The following EYS variants were observed in gnomAD, a reference collection of about 807,000 sequenced individuals.
EYS encodes the protein EGF-like photoreceptor maintenance factor, also known as protein eyes shut homolog.
Under a neutral mutation model 282.1 loss-of-function variants are expected in EYS, and 250 were observed. The observed-to-expected ratio is 0.89, with a 90% CI of 0.80 to 0.98. The LOEUF is 0.98. EYS is among the 50% of genes least tolerant of loss of function. The pLI, the probability that EYS is intolerant of heterozygous loss-of-function variation, is 0.00. For missense variants in EYS, 4,016 were observed against 3,709.0 expected (o/e 1.08, Z -2.15); for synonymous variants, 1,355 against 1,282.9 (o/e 1.06, Z -1.20).
At chr6:64,409,071 T>C (rs1773806942) in intron 28 of EYS, among the ~76,000 whole-genome samples, 1 of 152,142 alleles carries the variant, frequency 6.6e-6, no homozygotes, top group African/African-American at 2.4e-5. Context: ...CTTACTTTAA[T>C]TTGCTTGGGA....
intron 11 of EYS, among the ~76,000 whole-genome samples, chr6:65,311,852 G>T (rs897548876): frequency 2.1e-4 from 32 of 152,188 alleles, no homozygotes; most frequent in African/African-American, 7.5e-4. Context: ...AAAAATATGG[G>T]ATGCCAAGTT....
Position 64,945,865 on chromosome 6 carries a change from T to C in EYS, c.2309A>G (p.Gln770Arg), listed in dbSNP as rs398123574. ...LSDWEGNFCE[Q>R]ESNECKMNPC... is the part of the protein sequence containing the mutation. ...ATTCATTTTACACTCATTGGATTCT[T>C]GTTCACAAAAATTTCCTTCCCAATC... Residue 770 changes from glutamine (Q) to arginine (R), a missense_variant, in exon 15 of 43, where the codon CAA (glutamine) becomes CGA (arginine). Gln to Arg is a conservative substitution (Grantham distance 43). Coordinates refer to ENST00000503581, the MANE Select transcript of EYS (RefSeq NM_001142800.2). 4 of 1,549,430 alleles carry C rather than the reference T, an allele frequency of 2.6e-6. No individual in the cohort carries two copies. The highest frequency in any genetic ancestry group is 2.5e-5 in the East Asian group (1 of 40,762).
chr6:64,689,070 C>A (rs188406296), intron 22 of EYS, among the ~76,000 whole-genome samples: 43 of 152,256 alleles, frequency 2.8e-4, no homozygotes, highest in Admixed American at 2.4e-3. Context: ...ATTTAAAAAA[C>A]CCCATCGTCT....
intron 36 of EYS, among the ~76,000 whole-genome samples, chr6:63,832,250 A>G (rs1345732865): frequency 2.0e-5 from 3 of 152,136 alleles, no homozygotes; most frequent in Non-Finnish European, 4.4e-5. Context: ...GACACAAAAA[A>G]CCCTTCAAAA....
intron 35 of EYS, among the ~76,000 whole-genome samples, chr6:63,914,843 T>C (rs942165481): frequency 2.0e-5 from 3 of 152,088 alleles, no homozygotes; most frequent in African/African-American, 4.8e-5. Context: ...GGGCCTTAAC[T>C]CTTTTTTGAT....
At chr6:65,295,361 C>T (rs979514593) in intron 12 of EYS, among the ~76,000 whole-genome samples, 6 of 151,950 alleles carry the variant, frequency 3.9e-5, no homozygotes, top group African/African-American at 1.4e-4. Context: ...ATCTTGTTCT[C>T]TATGACTGTA....
At chr6:64,503,168 T>C (rs1777105845) in intron 26 of EYS, among the ~76,000 whole-genome samples, 1 of 152,222 alleles carries the variant, frequency 6.6e-6, no homozygotes, top group African/African-American at 2.4e-5. Context: ...TAATAGTCAA[T>C]ATGAAATCGT....
chr6:65,474,256 C>T (rs1765320827), intron 5 of EYS, among the ~76,000 whole-genome samples: 1 of 151,950 alleles, frequency 6.6e-6, no homozygotes, highest in Non-Finnish European at 1.5e-5. Flanking sequence ...ATAATGACCC[C>T]CATGGGGAAT....
At chr6:64,203,957 T>A (rs1229595991) in intron 31 of EYS, among the ~76,000 whole-genome samples, 7 of 152,198 alleles carry the variant, frequency 4.6e-5, no homozygotes, top group Admixed American at 4.6e-4. Context: ...CATTTCTTTC[T>A]TAAAATACAT....
At chr6:65,177,880 T>C (rs997382184) in intron 12 of EYS, among the ~76,000 whole-genome samples, 2 of 151,984 alleles carry the variant, frequency 1.3e-5, no homozygotes, top group South Asian at 2.1e-4. Context: ...GTTTTAGCAA[T>C]GTATAGCACC....
intron 35 of EYS, among the ~76,000 whole-genome samples, chr6:63,910,115 T>C (rs188261372): frequency 4.0e-4 from 61 of 152,180 alleles, no homozygotes; most frequent in Non-Finnish European, 5.3e-4. Flanking sequence ...AAGAAAATAA[T>C]ATTACAGAAA....
intron 14 of EYS, among the ~76,000 whole-genome samples, chr6:64,985,958 T>C (rs1014477459): frequency 1.3e-5 from 2 of 151,534 alleles, no homozygotes; most frequent in Non-Finnish European, 3.0e-5. Flanking sequence ...TTTTCCAGAA[T>C]CCAGCTACGT....
chr6:64,225,239 G>A (rs1344932216), intron 31 of EYS, among the ~76,000 whole-genome samples: 1 of 151,984 alleles, frequency 6.6e-6, no homozygotes, highest in African/African-American at 2.4e-5. Context: ...CCTTTTTCGT[G>A]TAATCATGTA....
chr6:64,822,574 C>T, intron 20 of EYS, 77 bp downstream of exon 20: 1 of 1,184,758 alleles, frequency 8.4e-7, no homozygotes, highest in Non-Finnish European at 1.2e-6. Flanking sequence ...TCTTTATCAA[C>T]TTTCCCTTGA....
intron 31 of EYS, among the ~76,000 whole-genome samples, chr6:64,082,444 A>T (rs532117753): frequency 6.6e-6 from 1 of 152,304 alleles, no homozygotes; most frequent in African/African-American, 2.4e-5. Flanking sequence ...ACAGGAATAC[A>T]ATGTATCATA....
rs79366358 is a variant in EYS, at chr6:65,255,115, C to G, written c.2023+40748G>C. ...AACAAAACTGGAGATATCTCATTAC[C>G]TGACTTCAAATTATGCTATAGAGCT... On this transcript the variant is annotated intron_variant, in intron 12 of 42. Transcript: ENST00000503581. Among the ~76,000 whole-genome samples the G allele has an allele frequency of 2.7e-3, 410 of 152,012 alleles. 6 individuals carry two copies. Among genetic ancestry groups the G allele is most frequent in the Middle Eastern group, 0.01 (3 of 294 alleles).
intron 5 of EYS, among the ~76,000 whole-genome samples, chr6:65,418,039 G>T (rs899644449): frequency 1.3e-5 from 2 of 151,978 alleles, no homozygotes; most frequent in Non-Finnish European, 2.9e-5. Context: ...ACTGAATTAT[G>T]ATATGAGAAT....
At chr6:64,066,521 T>C in intron 32 of EYS, 30 bp from the exon 33 acceptor site, 1 of 1,351,248 alleles carries the variant, frequency 7.4e-7, no homozygotes. Flanking sequence ...TATTAGTAAT[T>C]ATTGTAGATT....
intron 13 of EYS, among the ~76,000 whole-genome samples, chr6:65,013,765 T>A (rs1771955411): frequency 6.6e-6 from 1 of 152,118 alleles, no homozygotes; most frequent in Non-Finnish European, 1.5e-5. Context: ...CTTGGGAGGC[T>A]AAGATGGAAG....
Sources: allele counts gnomAD v4.1 joint callset (sites outside exome capture counted in the v4.1 genomes callset), GRCh38; gene constraint gnomAD v4.1.1; transcripts MANE v1.5; gene names NCBI Gene and HGNC (gene_info 2026-07-23, HGNC 2026-07-21).